PPP2R3B: variants seen among roughly 807,000 people sequenced by gnomAD.
PPP2R3B encodes the protein protein phosphatase 2 regulatory subunit B''beta.
A neutral mutation model predicts 72.9 loss-of-function variants in PPP2R3B; 68 were observed. That is an observed-to-expected ratio of 0.93 (90% CI 0.77 to 1.14). The LOEUF (loss-of-function observed/expected upper bound fraction) is 1.14. PPP2R3B is among the 50% of genes most tolerant of loss of function. The pLI, the probability that PPP2R3B is intolerant of heterozygous loss-of-function variation, is 0.00. For synonymous variants in PPP2R3B, 466 were observed against 375.8 expected, an observed-to-expected ratio of 1.24 and a Z score of -2.78; for missense variants, 1,018 against 842.0, an observed-to-expected ratio of 1.21 and a Z score of -2.59.
intron 1 of PPP2R3B, among the ~76,000 whole-genome samples, chrX:370,665 G>T (rs1171776408): frequency 5.9e-5 from 9 of 152,180 alleles, no homozygotes; most frequent in Non-Finnish European, 1.2e-4. Flanking sequence ...GGGAACCCAA[G>T]CCCTGCCTTC....
Position 341,404 on chromosome X carries a change from G to A in PPP2R3B, c.1086-8C>T. ...TTCTGCACTTTTCTGCCTCTAGATCGAAAGCCAGGATGGAGAGACGAAGAT... is the reference window on the plus strand; with the variant it reads ...TTCTGCACTTTTCTGCCTCTAGATCAAAAGCCAGGATGGAGAGACGAAGAT... On this transcript the variant is annotated splice_region_variant and splice_polypyrimidine_tract_variant and intron_variant, in intron 8 of 12. Coordinates refer to ENST00000390665, the MANE Select transcript of PPP2R3B (RefSeq NM_013239.5). 1 of 1,612,228 alleles carries A rather than the reference G, an allele frequency of 6.2e-7. No individual in the cohort carries two copies. The highest frequency in any genetic ancestry group is 1.7e-5 in the Admixed American group (1 of 60,000).
chrX:368,535 G>A (rs1233245625), intron 1 of PPP2R3B, among the ~76,000 whole-genome samples: 3 of 129,054 alleles, frequency 2.3e-5, no homozygotes, highest in East Asian at 4.9e-4. Flanking sequence ...GGGGAAGGAC[G>A]GGACCACCCA....
intron 1 of PPP2R3B, among the ~76,000 whole-genome samples, chrX:364,048 A>C (rs1444050795): frequency 6.6e-6 from 1 of 152,234 alleles, no homozygotes; most frequent in Non-Finnish European, 1.5e-5. Flanking sequence ...AACCCGGGGA[A>C]GCCCGTGGAG....
intron 1 of PPP2R3B, among the ~76,000 whole-genome samples, chrX:384,836 T>C (rs930143565): frequency 2.6e-5 from 4 of 151,648 alleles, no homozygotes; most frequent in Non-Finnish European, 4.4e-5. Context: ...AATACAAAAA[T>C]TAGCCGGGGG....
chrX:371,253 G>A (rs1040025275), intron 1 of PPP2R3B, among the ~76,000 whole-genome samples: 15 of 152,044 alleles, frequency 9.9e-5, no homozygotes, highest in African/African-American at 1.2e-4. Context: ...ACACGCCATC[G>A]TCACACGGGA....
At chrX:382,551 A>G (rs1369535711) in intron 1 of PPP2R3B, among the ~76,000 whole-genome samples, 4 of 150,796 alleles carry the variant, frequency 2.7e-5, no homozygotes, top group African/African-American at 9.9e-5. Context: ...AACTCAGTGC[A>G]TTTCTCAAGT....
intron 2 of PPP2R3B, among the ~76,000 whole-genome samples, chrX:352,637 G>A (rs2071354615): frequency 6.7e-6 from 1 of 149,210 alleles, no homozygotes; most frequent in Non-Finnish European, 1.5e-5. Context: ...AGGAAACACC[G>A]CCGGCCCCAA....
intron 2 of PPP2R3B, among the ~76,000 whole-genome samples, chrX:348,186 G>A (rs1440585272): frequency 6.6e-6 from 1 of 152,034 alleles, no homozygotes; most frequent in Non-Finnish European, 1.5e-5. Flanking sequence ...TACCCCAAAG[G>A]AACAAATACA....
intron 2 of PPP2R3B, among the ~76,000 whole-genome samples, chrX:360,297 G>A (rs2071514194): frequency 6.6e-6 from 1 of 152,220 alleles, no homozygotes; most frequent in Non-Finnish European, 1.5e-5. Context: ...ACTTTGGGAG[G>A]CCGAGGCAGG....
At chrX:365,413 CAT>C (rs2071687558) in intron 1 of PPP2R3B, among the ~76,000 whole-genome samples, 8 of 34,612 alleles carry the variant, frequency 2.3e-4, no homozygotes, top group South Asian at 1.7e-3. Context: ...TGTGGTGGCG[CAT>C]GCCTGTACTC....
In PPP2R3B at chrX:347,266, G is replaced by A. The variant is rs2071240472; in HGVS notation, c.685C>T (p.Leu229=). The A allele has an allele frequency of 1.9e-6, 3 of 1,613,794 alleles. No individual in the cohort carries two copies. Among genetic ancestry groups the A allele is most frequent in the Non-Finnish European group, 2.5e-6 (3 of 1,179,780 alleles). The change falls in exon 4 of 13, where the codon CTG becomes TTG. Residue 229 remains leucine, a synonymous_variant. Transcript: ENST00000390665. ...AAGGGGACAAAGTCCTCCTGCACCA[G>A]GTAGTTGCAGCCGGGGCTCATGAGC... ...HLLMSPGCNY[L]VQEDFVPFLQ... is the part of the protein sequence containing the mutation.
intron 1 of PPP2R3B, among the ~76,000 whole-genome samples, chrX:363,918 A>ACCTTCCTG (rs1259041701): frequency 2.0e-5 from 3 of 152,262 alleles, no homozygotes; most frequent in Admixed American, 2.0e-4. Flanking sequence ...ACACAAACCA[A>ACCTTCCTG]CCTTCCTGAT....
intron 1 of PPP2R3B, among the ~76,000 whole-genome samples, chrX:369,455 A>T (rs961455752): frequency 1.3e-5 from 2 of 152,244 alleles, no homozygotes; most frequent in Admixed American, 1.3e-4. Context: ...CAGAAGTCAC[A>T]GATACATGTG....
chrX:366,947 A>G (rs113130935), intron 1 of PPP2R3B, among the ~76,000 whole-genome samples: 4 of 147,224 alleles, frequency 2.7e-5, no homozygotes, highest in Admixed American at 1.3e-4. Flanking sequence ...AGAATCGCTT[A>G]AACCCGGGAG....
At chrX:359,381 C>A (rs1303381684) in intron 2 of PPP2R3B, among the ~76,000 whole-genome samples, 1 of 152,346 alleles carries the variant, frequency 6.6e-6, no homozygotes. Context: ...TCACTCCACA[C>A]GGGACAAGGA....
Position 341,069 on chromosome X carries a change from AGG to A in PPP2R3B, c.1176-131_1176-130del. On this transcript the variant is annotated intron_variant, in intron 9 of 12. Transcript: ENST00000390665. The stretch of plus-strand genomic sequence containing the variant: ...GCCTTGCAGCCCCCACCGGGCGTGC[AGG>A]CATCCCCTGCCCCCTGCCGCCCCCA... 5 of 1,332,510 alleles carry A rather than the reference AGG, an allele frequency of 3.8e-6. No homozygotes were observed. The African/African-American group carries it at 6.1e-5, about 16-fold the overall frequency. The allele number at this position is 1,332,510 out of a possible 1,614,324, so 82.5% of individuals were successfully genotyped here.
At chrX:346,918 G>T in intron 4 of PPP2R3B, 143 bp from the exon 5 acceptor site, 3 of 795,222 alleles carry the variant, frequency 3.8e-6, no homozygotes, top group Non-Finnish European at 6.1e-6. Flanking sequence ...GGGATGAGGC[G>T]TATGGTGTAG....
intron 2 of PPP2R3B, among the ~76,000 whole-genome samples, chrX:361,052 T>G (rs888307055): frequency 1.3e-5 from 2 of 152,036 alleles, no homozygotes; most frequent in South Asian, 4.1e-4. Context: ...CAGAACGGCC[T>G]CCGAGAGCCA....
chrX:348,343 A>AG (rs1302245904), intron 2 of PPP2R3B, among the ~76,000 whole-genome samples: 2 of 152,168 alleles, frequency 1.3e-5, no homozygotes, highest in South Asian at 2.1e-4. Context: ...TAGGAGGCCG[A>AG]GGGGGGTGGA....
Sources: allele counts gnomAD v4.1 joint callset (sites outside exome capture counted in the v4.1 genomes callset), GRCh38; gene constraint gnomAD v4.1.1; transcripts MANE v1.5; gene names NCBI Gene and HGNC (gene_info 2026-07-23, HGNC 2026-07-21).